The following HDX variants were observed in gnomAD, a reference collection of about 807,000 sequenced individuals.
The protein encoded by HDX is highly divergent homeobox, also known as chromosome X open reading frame 43.
A neutral mutation model predicts 45.2 loss-of-function variants in HDX; 19 were observed. The observed-to-expected ratio is 0.42, with a 90% CI of 0.29 to 0.62. HDX has a LOEUF of 0.62. Ranked by LOEUF, HDX falls within the 20% of genes least tolerant of loss-of-function variation. The pLI is 0.20. For missense variants in HDX, 532 were observed against 493.9 expected, an observed-to-expected ratio of 1.08 and a Z score of -0.73; for synonymous variants, 188 against 172.8, an observed-to-expected ratio of 1.09 and a Z score of -0.69.
chrX:84,471,558 G>A (rs1246287511), intron 3 of HDX, among the ~76,000 whole-genome samples: 1 of 108,912 alleles, frequency 9.2e-6, no homozygotes, highest in Non-Finnish European at 1.9e-5. Context: ...AAGTGAGAGA[G>A]CAAAGATTCT....
chrX:84,373,080 T>C (rs1341104571), intron 5 of HDX, among the ~76,000 whole-genome samples: 1 of 111,772 alleles, frequency 8.9e-6, no homozygotes, highest in African/African-American at 3.3e-5. Flanking sequence ...AAAGCTGATG[T>C]TTTCAGAATA....
intron 5 of HDX, among the ~76,000 whole-genome samples, chrX:84,368,765 A>G (rs1009571602): frequency 9.0e-6 from 1 of 111,574 alleles, no homozygotes; most frequent in Non-Finnish European, 1.9e-5. Flanking sequence ...ACCAGGGACC[A>G]GTTTCATGGA....
intron 5 of HDX, among the ~76,000 whole-genome samples, chrX:84,381,650 T>A (rs764327508): frequency 8.9e-6 from 1 of 111,866 alleles, no homozygotes; most frequent in East Asian, 2.8e-4. Context: ...GATATTCATA[T>A]GCAGAAGAAT....
chrX:84,436,456 C>T (rs2039638387), intron 5 of HDX, among the ~76,000 whole-genome samples: 2 of 111,466 alleles, frequency 1.8e-5, no homozygotes, highest in Admixed American at 1.9e-4. Flanking sequence ...TTGATGTAGA[C>T]ATTTATTGCT....
In HDX at chrX:84,373,375, A is replaced by T. The variant is rs972246955; in HGVS notation, c.1306-11763T>A. Among the ~76,000 whole-genome samples the T allele has an allele frequency of 2.7e-5, 3 of 110,708 alleles. No individual in the cohort carries two copies. In the Admixed American group the frequency reaches 2.9e-4, roughly 11 times the overall value. ...TTGTGGTAAAAGAATTCAGGTATTT[A>T]AAAAAAAGAGGGAATCCTCCCTAAC... is the stretch of plus-strand genomic sequence containing the variant. On this transcript the variant is annotated intron_variant, in intron 5 of 10. Transcript: ENST00000373177.
intron 5 of HDX, among the ~76,000 whole-genome samples, chrX:84,416,181 T>C (rs2039097621): frequency 9.0e-6 from 1 of 111,676 alleles, no homozygotes; most frequent in African/African-American, 3.3e-5. Context: ...TACTCCATTG[T>C]ACCCTCCCCT....
intron 5 of HDX, among the ~76,000 whole-genome samples, chrX:84,387,737 A>T (rs982373259): frequency 9.0e-6 from 1 of 111,728 alleles, no homozygotes; most frequent in African/African-American, 3.3e-5. Context: ...TCTCTTGAAG[A>T]CAATAGATGG....
intron 6 of HDX, among the ~76,000 whole-genome samples, chrX:84,344,829 T>C (rs769856264): frequency 5.8e-4 from 65 of 111,210 alleles, no homozygotes; most frequent in Non-Finnish European, 1.1e-3. Flanking sequence ...AGAAGGTATT[T>C]ATATAAATAT....
intron 5 of HDX, among the ~76,000 whole-genome samples, chrX:84,392,620 A>G (rs2038467539): frequency 9.1e-6 from 1 of 110,118 alleles, no homozygotes; most frequent in Admixed American, 9.7e-5. Context: ...TTCCTTGTAG[A>G]GCTTTTTCAC....
At chrX:84,464,242 A>T (rs918985641) in intron 4 of HDX, among the ~76,000 whole-genome samples, 1 of 111,258 alleles carries the variant, frequency 9.0e-6, no homozygotes, top group Non-Finnish European at 1.9e-5. Flanking sequence ...GAAAATGGTC[A>T]TAGTGCCCAA....
At chrX:84,334,908 G>A (rs1333747435) in intron 8 of HDX, among the ~76,000 whole-genome samples, 1 of 111,005 alleles carries the variant, frequency 9.0e-6, no homozygotes, top group Non-Finnish European at 1.9e-5. Flanking sequence ...GTATGTGTGT[G>A]TGTGTGTGTG....
At chrX:84,369,291 T>C (rs1348957364) in intron 5 of HDX, among the ~76,000 whole-genome samples, 6 of 112,428 alleles carry the variant, frequency 5.3e-5, no homozygotes, top group African/African-American at 1.9e-4. Flanking sequence ...TGTATGCATG[T>C]ACCAAATTTT....
Position 84,469,592 on chromosome X carries a change from T to C in HDX, c.148-17A>G, listed in dbSNP as rs762407873. On this transcript the variant is annotated splice_polypyrimidine_tract_variant and intron_variant, in intron 3 of 10. Transcript: ENST00000373177. ...AACCCACGTCTGGAAGGATAAAACA[T>C]GGTATTATGAAAAAAAAATTAAAAA... 1.8e-6 allele frequency: 2 copies of C among 1,122,360 alleles called. No homozygotes were observed. The highest frequency in any genetic ancestry group is 2.3e-6 in the Non-Finnish European group (2 of 851,923). The allele number at this position is 1,122,360 out of a possible 1,213,427, so 92.5% of individuals were successfully genotyped here. A position where few individuals can be genotyped will look rare whatever the true frequency, so the allele number is the denominator to read the frequency against.
At chrX:84,483,961 A>T (rs936109636) in intron 2 of HDX, among the ~76,000 whole-genome samples, 3 of 111,570 alleles carry the variant, frequency 2.7e-5, no homozygotes, top group African/African-American at 9.8e-5. Flanking sequence ...CCTCATCTTC[A>T]TCTGAGAACA....
At chrX:84,347,226 A>G (rs1382780226) in intron 6 of HDX, among the ~76,000 whole-genome samples, 1 of 107,836 alleles carries the variant, frequency 9.3e-6, no homozygotes, top group African/African-American at 3.4e-5. Context: ...TTCTTTTTTT[A>G]GAGACAGGAT....
intron 5 of HDX, among the ~76,000 whole-genome samples, chrX:84,400,131 C>A (rs866921867): frequency 9.2e-6 from 1 of 108,864 alleles, no homozygotes; most frequent in Non-Finnish European, 1.9e-5. Flanking sequence ...AAAGCTGGAA[C>A]CTTTGAAAAC....
chrX:84,439,060 T>C (rs914961080), intron 5 of HDX, among the ~76,000 whole-genome samples: 1 of 111,198 alleles, frequency 9.0e-6, no homozygotes, highest in Non-Finnish European at 1.9e-5. Flanking sequence ...TTTTCTTTTG[T>C]TTTGTTTTTT....
In HDX at chrX:84,318,256, G is replaced by C. The variant is rs1319484903; in HGVS notation, c.*3633C>G. 2 of 110,302 alleles carry C rather than the reference G, an allele frequency of 1.8e-5. No homozygotes were observed. The highest frequency in any genetic ancestry group is 9.7e-5 in the Admixed American group (1 of 10,320). 9.1% of individuals were successfully genotyped at this position (110,302 alleles called of 1,213,427 possible). On this transcript the variant is annotated 3_prime_UTR_variant, in exon 11 of 11. Coordinates refer to ENST00000373177, the MANE Select transcript of HDX (RefSeq NM_001177479.2). ...ATTACAGAGCATAGCTTGGTGAAGA[G>C]CATGATACAGTGCTGTCTGCCAAGG...
intron 1 of HDX, 71 bp downstream of exon 1, chrX:84,502,271 G>C (rs1286388008): frequency 1.8e-5 from 2 of 109,885 alleles, no homozygotes; most frequent in Non-Finnish European, 3.8e-5. Context: ...CCCCAAACTA[G>C]GAAAAGCATT....
Sources: allele counts gnomAD v4.1 joint callset (sites outside exome capture counted in the v4.1 genomes callset), GRCh38; gene constraint gnomAD v4.1.1; transcripts MANE v1.5; gene names NCBI Gene and HGNC (gene_info 2026-07-23, HGNC 2026-07-21).